Variants in SOX5 observed in about 807,000 individuals in gnomAD.
The protein encoded by SOX5 is transcription factor SOX-5.
SOX5 carries 9 observed loss-of-function variants against 92.0 expected under a neutral mutation model. That is an observed-to-expected ratio of 0.10 (90% CI 0.06 to 0.17). The LOEUF (loss-of-function observed/expected upper bound fraction) is 0.17, where lower values mean the gene tolerates loss of function less well. SOX5 is among the 10% of genes least tolerant of loss of function. The probability of loss-of-function intolerance (pLI) is 1.00; values close to 1 mark genes in which losing one functional copy is unlikely to be tolerated. For synonymous variants in SOX5, 344 were observed against 336.3 expected (o/e 1.02, Z -0.25); for missense variants, 642 against 944.5 (o/e 0.68, Z 4.20).
chr12:24,381,554 C>T (rs553602359), intron 1 of SOX5, among the ~76,000 whole-genome samples: 6 of 152,288 alleles, frequency 3.9e-5, no homozygotes, highest in African/African-American at 1.4e-4. Context: ...GGGGTGAGAG[C>T]ATGTTTTTCT....
intron 1 of SOX5, among the ~76,000 whole-genome samples, chr12:24,458,547 G>T (rs988033052): frequency 6.6e-6 from 1 of 152,080 alleles, no homozygotes; most frequent in Non-Finnish European, 1.5e-5. Flanking sequence ...TCTCTGGGGG[G>T]TAGGATGGGA....
chr12:24,483,219 A>C (rs1029769457), intron 1 of SOX5, among the ~76,000 whole-genome samples: 11 of 152,182 alleles, frequency 7.2e-5, no homozygotes, highest in African/African-American at 2.7e-4. Context: ...CTGTGTTTTG[A>C]AGATAATGTT....
chr12:23,571,466 T>C (rs1325551039), intron 10 of SOX5, among the ~76,000 whole-genome samples: 1 of 152,182 alleles, frequency 6.6e-6, no homozygotes, highest in African/African-American at 2.4e-5. Flanking sequence ...TCAAAGGCTG[T>C]TGTCTGCTTA....
At chr12:23,864,588 T>G (rs952321013) in intron 2 of SOX5, among the ~76,000 whole-genome samples, 1 of 152,142 alleles carries the variant, frequency 6.6e-6, no homozygotes, top group African/African-American at 2.4e-5. Flanking sequence ...AAAGTTGTAT[T>G]GGTCTGGAGA....
chr12:23,895,724 G>C (rs1321420081), intron 2 of SOX5, 69 bp downstream of exon 2: 1 of 1,072,968 alleles, frequency 9.3e-7, no homozygotes, highest in African/African-American at 1.6e-5. Context: ...AAAGGACTGA[G>C]GCCAAACTAT....
At chr12:24,394,509 A>G (rs905460385) in intron 1 of SOX5, among the ~76,000 whole-genome samples, 6 of 152,156 alleles carry the variant, frequency 3.9e-5, no homozygotes, top group Non-Finnish European at 8.8e-5. Flanking sequence ...CTAGACATCA[A>G]GGTCTTTACC....
chr12:24,294,971 A>T (rs1243096114), intron 2 of SOX5, among the ~76,000 whole-genome samples: 1 of 152,222 alleles, frequency 6.6e-6, no homozygotes, highest in Non-Finnish European at 1.5e-5. Context: ...TTCCATTGAC[A>T]CAATGAAGTA....
At chr12:23,808,114 G>GATATAT (rs68032222) in intron 3 of SOX5, among the ~76,000 whole-genome samples, 16 of 149,848 alleles carry the variant, frequency 1.1e-4, no homozygotes, top group African/African-American at 3.9e-4. Context: ...TCAGAATTCT[G>GATATAT]ATATATATAT....
At chr12:24,087,945 G>A (rs1460727188) in intron 4 of SOX5, among the ~76,000 whole-genome samples, 1 of 151,944 alleles carries the variant, frequency 6.6e-6, no homozygotes, top group Non-Finnish European at 1.5e-5. Flanking sequence ...TGTAATGAAG[G>A]AAAGGCAGGC....
At chr12:24,490,056 G>A (rs1470482653) in intron 1 of SOX5, among the ~76,000 whole-genome samples, 1 of 152,200 alleles carries the variant, frequency 6.6e-6, no homozygotes, top group Non-Finnish European at 1.5e-5. Flanking sequence ...GGGTTCACAA[G>A]TCTTACTGCA....
At chr12:24,105,262 C>T (rs143821171) in intron 4 of SOX5, among the ~76,000 whole-genome samples, 1 of 152,012 alleles carries the variant, frequency 6.6e-6, no homozygotes, top group Non-Finnish European at 1.5e-5. Context: ...ATTTTTTGGC[C>T]AGGCACGGTG....
chr12:23,810,404 G>C lies in SOX5; in HGVS notation c.481+35579C>G, dbSNP rs116213947. Among the ~76,000 whole-genome samples, 538 of 152,256 alleles carry C rather than the reference G, an allele frequency of 3.5e-3. 8 individuals are homozygous for C. The highest frequency in any genetic ancestry group is 0.012 in the African/African-American group (504 of 41,550). Reference sequence around the variant, plus strand: ...ATTGTTACTCTAGTGCATTCAGAGAGACACACAATGCAGGCTCAGATCTTG... The same window carrying C: ...ATTGTTACTCTAGTGCATTCAGAGACACACACAATGCAGGCTCAGATCTTG... On this transcript the variant is annotated intron_variant, in intron 3 of 14. Coordinates refer to ENST00000451604, the MANE Select transcript of SOX5 (RefSeq NM_006940.6).
At chr12:24,241,429 A>C (rs1449761282) in intron 3 of SOX5, among the ~76,000 whole-genome samples, 4 of 152,222 alleles carry the variant, frequency 2.6e-5, no homozygotes, top group Non-Finnish European at 5.9e-5. Flanking sequence ...AGACAATTTA[A>C]AACAGTCTTT....
At chr12:23,821,606 T>G (rs1389043952) in intron 3 of SOX5, among the ~76,000 whole-genome samples, 2 of 152,066 alleles carry the variant, frequency 1.3e-5, no homozygotes, top group Non-Finnish European at 2.9e-5. Flanking sequence ...AGAAGGCCTT[T>G]TCTGCATCTC....
chr12:24,459,637 CAGG>C (rs1943402482), intron 1 of SOX5, among the ~76,000 whole-genome samples: 1 of 152,118 alleles, frequency 6.6e-6, no homozygotes, highest in Non-Finnish European at 1.5e-5. Flanking sequence ...AAGAAACCGA[CAGG>C]AGTATACAGG....
At chr12:24,236,007 G>A (rs1465834262) in intron 3 of SOX5, among the ~76,000 whole-genome samples, 1 of 151,980 alleles carries the variant, frequency 6.6e-6, no homozygotes, top group African/African-American at 2.4e-5. Flanking sequence ...GGTTAACATG[G>A]TAAAACCCCA....
chr12:23,688,244 C>T (rs1015819713), intron 6 of SOX5, among the ~76,000 whole-genome samples: 7 of 151,982 alleles, frequency 4.6e-5, no homozygotes, highest in African/African-American at 1.4e-4. Context: ...CCTCTAATAC[C>T]GAGCTGCACT....
At chr12:23,640,475 G>A (rs2079903797) in intron 8 of SOX5, among the ~76,000 whole-genome samples, 1 of 152,168 alleles carries the variant, frequency 6.6e-6, no homozygotes, top group Non-Finnish European at 1.5e-5. Flanking sequence ...TCAAGTGTCT[G>A]AATATCTTTT....
At chr12:23,876,295 C>A (rs981303253) in intron 2 of SOX5, among the ~76,000 whole-genome samples, 2 of 152,076 alleles carry the variant, frequency 1.3e-5, no homozygotes, top group African/African-American at 4.8e-5. Flanking sequence ...AAACAAACAA[C>A]CCCATCAAAA....
Sources: gnomAD v4.1 joint callset for allele counts (sites outside exome capture counted in the v4.1 genomes callset) on GRCh38, gnomAD v4.1.1 for gene constraint, MANE v1.5 for transcripts, NCBI Gene and HGNC (gene_info 2026-07-23, HGNC 2026-07-21) for gene names.